The following DCDC2 variants were observed in gnomAD, a reference collection of about 807,000 sequenced individuals.
The protein encoded by DCDC2 is doublecortin domain-containing protein 2.
Under a neutral mutation model 50.2 loss-of-function variants are expected in DCDC2, and 40 were observed. The ratio of observed to expected loss-of-function variants is 0.80; its 90% confidence interval spans 0.62 to 1.04. The LOEUF (loss-of-function observed/expected upper bound fraction) is 1.04. Ranked by LOEUF, DCDC2 falls within the 50% of genes least tolerant of loss-of-function variation. The pLI is 0.00. For synonymous variants in DCDC2, 234 were observed against 210.6 expected, an observed-to-expected ratio of 1.11 and a Z score of -0.96; for missense variants, 570 against 581.9, an observed-to-expected ratio of 0.98 and a Z score of 0.21.
At chr6:24,210,022 GTGTGTGTGTGTGT>G (rs1761826372) in intron 7 of DCDC2, among the ~76,000 whole-genome samples, 1 of 22,144 alleles carries the variant, frequency 4.5e-5, no homozygotes, top group African/African-American at 7.4e-5. Context: ...GTATCAGGGT[GTGTGTGTGTGTGT>G]GTGTGTGTGT....
At chr6:24,232,427 C>A (rs1429860184) in intron 7 of DCDC2, among the ~76,000 whole-genome samples, 1 of 152,238 alleles carries the variant, frequency 6.6e-6, no homozygotes, top group African/African-American at 2.4e-5. Context: ...ACTCAATCAG[C>A]ATGTTCAGGC....
intron 7 of DCDC2, among the ~76,000 whole-genome samples, chr6:24,232,715 C>CT (rs1211404436): frequency 6.6e-6 from 1 of 152,074 alleles, no homozygotes; most frequent in Non-Finnish European, 1.5e-5. Context: ...AAATTTATAA[C>CT]ATTGCTTTAG....
intron 2 of DCDC2, among the ~76,000 whole-genome samples, chr6:24,349,683 AAGG>A (rs1234576182): frequency 6.6e-6 from 1 of 152,194 alleles, no homozygotes; most frequent in African/African-American, 2.4e-5. Flanking sequence ...TCATAAATAC[AAGG>A]AGATGAGTTA....
At chr6:24,300,570 T>C (rs1455481633) in intron 4 of DCDC2, among the ~76,000 whole-genome samples, 1 of 152,172 alleles carries the variant, frequency 6.6e-6, no homozygotes, top group African/African-American at 2.4e-5. Flanking sequence ...CACCTAATTA[T>C]ATTTAAAATC....
intron 2 of DCDC2, among the ~76,000 whole-genome samples, chr6:24,318,493 T>G (rs1337828292): frequency 6.6e-6 from 1 of 152,100 alleles, no homozygotes; most frequent in Non-Finnish European, 1.5e-5. Context: ...TTTTAGTGTA[T>G]CCATCACTGG....
intron 7 of DCDC2, among the ~76,000 whole-genome samples, chr6:24,220,787 G>T (rs1258833937): frequency 9.6e-6 from 1 of 104,468 alleles, no homozygotes; most frequent in Non-Finnish European, 1.9e-5. Context: ...AGCTGGGGAG[G>T]CCTCAGAAAA....
chr6:24,210,871 C>A (rs964565572), intron 7 of DCDC2, among the ~76,000 whole-genome samples: 18 of 152,070 alleles, frequency 1.2e-4, no homozygotes, highest in African/African-American at 3.6e-4. Flanking sequence ...TTTTTCCTTG[C>A]ACATTAAACT....
chr6:24,290,700 A>C lies in DCDC2; in HGVS notation c.704+232T>G, dbSNP rs1034414991. Among the ~76,000 whole-genome samples the C allele has an allele frequency of 4.6e-5, 7 of 152,118 alleles. No homozygotes were observed. In the East Asian group the frequency reaches 5.8e-4, roughly 13 times the overall value. The stretch of plus-strand genomic sequence containing the variant: ...TACTTATAAATTTCATGCATGCTAA[A>C]AAAAAACCATGTAGTCTTTCATAAC... On this transcript the variant is annotated intron_variant, in intron 5 of 9. Coordinates refer to ENST00000378454, the MANE Select transcript of DCDC2 (RefSeq NM_016356.5).
intron 4 of DCDC2, among the ~76,000 whole-genome samples, chr6:24,293,758 T>C (rs972612803): frequency 1.3e-5 from 2 of 152,212 alleles, no homozygotes; most frequent in African/African-American, 4.8e-5. Flanking sequence ...GCACATACCC[T>C]AAAATTAACC....
At chr6:24,200,282 G>A (rs1326082657) in intron 8 of DCDC2, among the ~76,000 whole-genome samples, 8 of 152,166 alleles carry the variant, frequency 5.3e-5, no homozygotes, top group South Asian at 4.1e-4. Context: ...GATCCACAAC[G>A]GGAAGTCCAT....
chr6:24,355,904 GAATTTT>G (rs1025708146), intron 1 of DCDC2, among the ~76,000 whole-genome samples: 1 of 152,042 alleles, frequency 6.6e-6, no homozygotes, highest in Non-Finnish European at 1.5e-5. Context: ...GACTTTATTT[GAATTTT>G]AATTATTAAG....
intron 7 of DCDC2, among the ~76,000 whole-genome samples, chr6:24,234,716 C>T (rs896645738): frequency 1.2e-4 from 18 of 151,968 alleles, no homozygotes; most frequent in African/African-American, 3.9e-4. Flanking sequence ...TGATATCAAG[C>T]GATATAGACA....
intron 7 of DCDC2, among the ~76,000 whole-genome samples, chr6:24,232,017 A>G (rs1307668506): frequency 9.6e-6 from 1 of 103,888 alleles, no homozygotes; most frequent in Non-Finnish European, 2.5e-5. Flanking sequence ...ACACACACAC[A>G]CACACACACA....
chr6:24,205,419 G>A (rs1297556927), intron 7 of DCDC2: 1 of 1,253,196 alleles, frequency 8.0e-7, no homozygotes, highest in South Asian at 1.7e-5. Context: ...AAATTCACAA[G>A]TATCATCCCA....
intron 7 of DCDC2, among the ~76,000 whole-genome samples, chr6:24,262,189 C>T (rs1245243924): frequency 3.4e-5 from 5 of 149,138 alleles, no homozygotes; most frequent in Admixed American, 2.0e-4. Flanking sequence ...GGAGGGAGAG[C>T]ACAGTAATTG....
At chr6:24,335,747 C>A (rs1234541289) in intron 2 of DCDC2, among the ~76,000 whole-genome samples, 2 of 152,174 alleles carry the variant, frequency 1.3e-5, no homozygotes, top group Non-Finnish European at 2.9e-5. Flanking sequence ...ACCTTCTTCA[C>A]GTGGTGGCAG....
intron 2 of DCDC2, among the ~76,000 whole-genome samples, chr6:24,340,164 G>T (rs1337894091): frequency 2.0e-5 from 3 of 152,004 alleles, no homozygotes; most frequent in Non-Finnish European, 4.4e-5. Context: ...CATCTCCTTT[G>T]CCTGCAATGC....
intron 2 of DCDC2, among the ~76,000 whole-genome samples, chr6:24,316,251 A>C (rs976378145): frequency 3.9e-5 from 6 of 152,182 alleles, no homozygotes; most frequent in Non-Finnish European, 8.8e-5. Context: ...TAAAGCCATG[A>C]AAATGAAAGT....
chr6:24,245,739 A>G (rs995389312), intron 7 of DCDC2, among the ~76,000 whole-genome samples: 2 of 152,222 alleles, frequency 1.3e-5, no homozygotes, highest in South Asian at 4.1e-4. Context: ...AACAATTTTA[A>G]AAGAGATTAC....
Sources: allele counts gnomAD v4.1 joint callset (sites outside exome capture counted in the v4.1 genomes callset), GRCh38; gene constraint gnomAD v4.1.1; transcripts MANE v1.5; gene names NCBI Gene and HGNC (gene_info 2026-07-23, HGNC 2026-07-21).